GRIN3A: variants seen among roughly 807,000 people sequenced by gnomAD.
The protein encoded by GRIN3A is glutamate ionotropic receptor NMDA type subunit 3A, also known as glutamate receptor ionotropic, NMDA 3A.
In GRIN3A, 47 loss-of-function variants were observed where a neutral mutation model predicts 92.4. The observed-to-expected ratio is 0.51, with a 90% confidence interval of 0.40 to 0.65. GRIN3A has a LOEUF of 0.65. Among genes scored for constraint, GRIN3A ranks in the 30% least tolerant of loss-of-function variants. The pLI, the probability that GRIN3A is intolerant of heterozygous loss-of-function variation, is 0.00. For missense variants in GRIN3A, 1,324 were observed against 1,393.1 expected (o/e 0.95, Z 0.79); for synonymous variants, 527 against 540.6 (o/e 0.97, Z 0.35).
At chr9:101,734,154 G>A (rs1244461651) in intron 1 of GRIN3A, among the ~76,000 whole-genome samples, 1 of 152,206 alleles carries the variant, frequency 6.6e-6, no homozygotes, top group Non-Finnish European at 1.5e-5. Flanking sequence ...ACTTTAGGGA[G>A]TTAACTTTGA....
intron 3 of GRIN3A, among the ~76,000 whole-genome samples, chr9:101,646,108 G>T (rs2417283): frequency 0.089 from 13,443 of 151,552 alleles, 867 homozygotes; most frequent in East Asian, 0.22. Flanking sequence ...TTTTCCTCAC[G>T]TTGCTTGTGC....
At chr9:101,624,776 T>C (rs910439327) in intron 4 of GRIN3A, among the ~76,000 whole-genome samples, 1 of 152,132 alleles carries the variant, frequency 6.6e-6, no homozygotes, top group African/African-American at 2.4e-5. Flanking sequence ...TATTTCTAGT[T>C]CTAGATCCCT....
At chr9:101,631,693 G>T (rs1828717765) in intron 3 of GRIN3A, among the ~76,000 whole-genome samples, 1 of 152,052 alleles carries the variant, frequency 6.6e-6, no homozygotes, top group African/African-American at 2.4e-5. Flanking sequence ...TGTCTTATTG[G>T]CTCTGTGAAG....
chr9:101,665,743 A>G (rs934312305), intron 3 of GRIN3A, among the ~76,000 whole-genome samples: 1 of 151,988 alleles, frequency 6.6e-6, no homozygotes, highest in Non-Finnish European at 1.5e-5. Flanking sequence ...CCCTGATTAA[A>G]ATTAAAATGC....
intron 6 of GRIN3A, among the ~76,000 whole-genome samples, chr9:101,596,341 T>C (rs976338829): frequency 1.3e-5 from 2 of 151,788 alleles, no homozygotes; most frequent in Admixed American, 6.5e-5. Context: ...GACTGTTATA[T>C]TGGAATGTTT....
At chr9:101,580,020 C>G (rs1378490821) in intron 6 of GRIN3A, among the ~76,000 whole-genome samples, 1 of 152,160 alleles carries the variant, frequency 6.6e-6, no homozygotes, top group South Asian at 2.1e-4. Context: ...TCTCCACCCT[C>G]GGGTCATGCT....
chr9:101,622,031 C>T (rs139844826), intron 5 of GRIN3A, among the ~76,000 whole-genome samples: 2 of 152,276 alleles, frequency 1.3e-5, no homozygotes, highest in African/African-American at 4.8e-5. Context: ...TAATAGAAGA[C>T]CACTACTGCT....
intron 3 of GRIN3A, among the ~76,000 whole-genome samples, chr9:101,642,215 A>G (rs1466725880): frequency 6.6e-6 from 1 of 152,200 alleles, no homozygotes; most frequent in South Asian, 2.1e-4. Context: ...TCCCAGGAAT[A>G]CACAATAGTG....
At chr9:101,657,076 C>A (rs185880913) in intron 3 of GRIN3A, among the ~76,000 whole-genome samples, 58 of 151,916 alleles carry the variant, frequency 3.8e-4, no homozygotes, top group Admixed American at 7.9e-4. Context: ...GTTTGTCTTA[C>A]GTTGAAATGT....
In GRIN3A at chr9:101,737,349, A is replaced by C. The variant is rs776071976; in HGVS notation, c.631T>G (p.Leu211Val). 1 of 1,614,104 alleles carries C rather than the reference A, an allele frequency of 6.2e-7. No homozygotes were observed. Among genetic ancestry groups the C allele is most frequent in the Admixed American group, 1.7e-5 (1 of 60,006 alleles). ...GGAATGTGCAGGACTAAGCTGACCAAGTCGAGCTCCATCATTTCGCCCTGG... is the reference window on the plus strand; with the variant it reads ...GGAATGTGCAGGACTAAGCTGACCACGTCGAGCTCCATCATTTCGCCCTGG... Reference protein sequence around the residue: ...QSQGEMMELDLVSLVLHIPVI... With the variant: ...QSQGEMMELDVVSLVLHIPVI... The change falls in exon 1 of 9, where the codon TTG (leucine) becomes GTG (valine). Residue 211 changes from leucine to valine, a missense_variant. Transcript: ENST00000361820.
chr9:101,651,769 GA>G (rs1381524271), intron 3 of GRIN3A, among the ~76,000 whole-genome samples: 1 of 151,768 alleles, frequency 6.6e-6, no homozygotes, highest in Non-Finnish European at 1.5e-5. Flanking sequence ...TAATATTTCT[GA>G]GCTGCTTCTG....
chr9:101,618,025 A>G (rs1050556758), intron 5 of GRIN3A, among the ~76,000 whole-genome samples: 3 of 152,066 alleles, frequency 2.0e-5, no homozygotes, highest in Non-Finnish European at 4.4e-5. Flanking sequence ...TATGTGCCAC[A>G]TTTAAATCAA....
chr9:101,654,818 T>A (rs1316252252), intron 3 of GRIN3A, among the ~76,000 whole-genome samples: 1 of 151,868 alleles, frequency 6.6e-6, no homozygotes, highest in Non-Finnish European at 1.5e-5. Flanking sequence ...AACACTCATC[T>A]CATGGGTATG....
chr9:101,732,114 C>T (rs986942358), intron 1 of GRIN3A, among the ~76,000 whole-genome samples: 3 of 152,120 alleles, frequency 2.0e-5, no homozygotes, highest in Admixed American at 6.6e-5. Flanking sequence ...CAATACTTTC[C>T]TAAGAGAGTA....
intron 6 of GRIN3A, chr9:101,594,436 G>T (rs758405374): frequency 7.5e-6 from 12 of 1,610,544 alleles, no homozygotes; most frequent in South Asian, 2.2e-5. Flanking sequence ...GCTTCTTGTG[G>T]ATCTCCAGGT....
intron 6 of GRIN3A, among the ~76,000 whole-genome samples, chr9:101,606,887 G>C (rs1828290321): frequency 6.7e-6 from 1 of 149,856 alleles, no homozygotes; most frequent in African/African-American, 2.5e-5. Context: ...AATTCACTTG[G>C]GGAGTTGAAA....
intron 1 of GRIN3A, among the ~76,000 whole-genome samples, chr9:101,719,712 G>A (rs1030047576): frequency 2.0e-5 from 3 of 152,166 alleles, no homozygotes; most frequent in Non-Finnish European, 4.4e-5. Flanking sequence ...AAGTGTTAAA[G>A]ACAGAGTTGG....
chr9:101,577,866 CAGGT>C (rs1564117606), intron 7 of GRIN3A, 22 bp from the exon 8 acceptor site: 2 of 1,561,548 alleles, frequency 1.3e-6, no homozygotes, highest in East Asian at 4.5e-5. Flanking sequence ...AACAGATTCA[CAGGT>C]AGAAATTATG....
At chr9:101,708,571 C>G (rs991602314) in intron 1 of GRIN3A, among the ~76,000 whole-genome samples, 28 of 152,164 alleles carry the variant, frequency 1.8e-4, no homozygotes, top group Middle Eastern at 6.8e-3. Flanking sequence ...CGTATATGAT[C>G]CCTACCATGA....
Sources: allele counts gnomAD v4.1 joint callset (sites outside exome capture counted in the v4.1 genomes callset), GRCh38; gene constraint gnomAD v4.1.1; transcripts MANE v1.5; gene names NCBI Gene and HGNC (gene_info 2026-07-23, HGNC 2026-07-21).